MGAT4C: variants seen among roughly 807,000 people sequenced by gnomAD.
MGAT4C encodes alpha-1,3-mannosyl-glycoprotein 4-beta-N-acetylglucosaminyltransferase C.
A neutral mutation model predicts 40.1 loss-of-function variants in MGAT4C; 19 were observed. The observed-to-expected ratio is 0.47, with a 90% CI of 0.33 to 0.70. The LOEUF is 0.70. MGAT4C is among the 30% of genes least tolerant of loss of function. The pLI is 0.02. For missense variants in MGAT4C, 491 were observed against 563.2 expected, an observed-to-expected ratio of 0.87 and a Z score of 1.30; for synonymous variants, 181 against 187.1, an observed-to-expected ratio of 0.97 and a Z score of 0.27.
chr12:86,680,473 A>G (rs1175306956), intron 2 of MGAT4C, among the ~76,000 whole-genome samples: 1 of 152,024 alleles, frequency 6.6e-6, no homozygotes, highest in Non-Finnish European at 1.5e-5. Flanking sequence ...CCCAGATCTG[A>G]TGGACTTCTT....
chr12:86,015,954 AG>A (rs1889048792), intron 2 of MGAT4C: 1 of 152,190 alleles, frequency 6.6e-6, no homozygotes. Flanking sequence ...TCTCATGCAC[AG>A]CACCTAAACT....
intron 1 of MGAT4C, among the ~76,000 whole-genome samples, chr12:86,101,137 CT>C (rs1166772525): frequency 1.3e-5 from 2 of 151,530 alleles, no homozygotes; most frequent in African/African-American, 2.4e-5. Flanking sequence ...TAAATATTTA[CT>C]AAGGATCTAC....
intron 1 of MGAT4C, among the ~76,000 whole-genome samples, chr12:86,838,040 T>C (rs1953075377): frequency 6.6e-6 from 1 of 152,208 alleles, no homozygotes; most frequent in African/African-American, 2.4e-5. Flanking sequence ...TAAATAATAA[T>C]TTTGTAGCAT....
intron 1 of MGAT4C, among the ~76,000 whole-genome samples, chr12:86,218,822 T>C (rs1347583672): frequency 6.6e-6 from 1 of 152,186 alleles, no homozygotes; most frequent in Non-Finnish European, 1.5e-5. Flanking sequence ...AAATGATCTA[T>C]GTTAAACTAT....
intron 2 of MGAT4C, among the ~76,000 whole-genome samples, chr12:86,446,658 CA>C (rs1266500290): frequency 5.7e-5 from 2 of 35,320 alleles, no homozygotes; most frequent in Non-Finnish European, 1.1e-4. Context: ...TCATGTAACT[CA>C]TATATATATA....
At chr12:86,217,600 GT>G (rs1950721703) in intron 1 of MGAT4C, among the ~76,000 whole-genome samples, 1 of 152,130 alleles carries the variant, frequency 6.6e-6, no homozygotes, top group South Asian at 2.1e-4. Flanking sequence ...CTCTGTGACA[GT>G]TTACAACTGC....
chr12:86,309,702 A>T (rs945675964), intron 4 of MGAT4C, among the ~76,000 whole-genome samples: 5 of 152,190 alleles, frequency 3.3e-5, no homozygotes, highest in Admixed American at 3.3e-4. Context: ...CAAAATATAG[A>T]TTTTTCTAAA....
At chr12:85,994,598 A>G (rs2136743836) in intron 2 of MGAT4C, among the ~76,000 whole-genome samples, 1 of 148,154 alleles carries the variant, frequency 6.7e-6, no homozygotes, top group Non-Finnish European at 1.5e-5. Context: ...TTGGTTTAGG[A>G]AAGTTTTTAA....
rs534486634 is a variant in MGAT4C, at chr12:86,034,581, A to T, written c.-7+15093T>A. On this transcript the variant is annotated intron_variant, in intron 2 of 4. Transcript: ENST00000611864. ...AGGGTTTTTTGTTGTTGTTTTTTTT[A>T]AATTTTTTTTTATTATACTTTAAGT... Among the ~76,000 whole-genome samples, 36 of 144,902 alleles carry T rather than the reference A, an allele frequency of 2.5e-4. 4 individuals carry two copies. Among genetic ancestry groups the T allele is most frequent in the African/African-American group, 3.7e-4 (15 of 40,110 alleles).
chr12:86,143,027 C>T lies in MGAT4C; in HGVS notation c.-56-93304G>A, dbSNP rs186327547. Among the ~76,000 whole-genome samples, 212 of 152,200 alleles carry T rather than the reference C, an allele frequency of 1.4e-3. 2 individuals are homozygous for T. Among genetic ancestry groups the T allele is most frequent in the African/African-American group, 4.3e-3 (178 of 41,534 alleles). On this transcript the variant is annotated intron_variant, in intron 1 of 4. Coordinates refer to ENST00000611864, the MANE Select transcript of MGAT4C (RefSeq NM_001351288.2). ...GCTGTGTAAGAACACTGCCAAACAG[C>T]GATTGTCTATGAGCCAGAAACAGAA...
intron 2 of MGAT4C, among the ~76,000 whole-genome samples, chr12:86,023,826 T>C (rs1231348524): frequency 6.6e-6 from 1 of 151,690 alleles, no homozygotes; most frequent in Non-Finnish European, 1.5e-5. Context: ...TTATCCCATT[T>C]AGAAAGTTAG....
intron 2 of MGAT4C, among the ~76,000 whole-genome samples, chr12:86,528,131 T>C (rs1487144032): frequency 6.6e-6 from 1 of 152,130 alleles, no homozygotes; most frequent in African/African-American, 2.4e-5. Flanking sequence ...CTATAAAACA[T>C]TAACTTTCTA....
Position 86,484,606 on chromosome 12 carries a change from G to C in MGAT4C, c.-228-49341C>G, listed in dbSNP as rs189422206. On this transcript the variant is annotated intron_variant, in intron 2 of 7. Transcript: ENST00000548651. Reference sequence around the variant, plus strand: ...CCCTCAGGGCTGCAGCATGCAGCATGGGAGGATCCCCCACACTCAGAACAC... The same window carrying C: ...CCCTCAGGGCTGCAGCATGCAGCATCGGAGGATCCCCCACACTCAGAACAC... Among the ~76,000 whole-genome samples the C allele has an allele frequency of 6.6e-5, 10 of 152,358 alleles. No homozygotes were observed. The East Asian group carries it at 1.7e-3, about 27-fold the overall frequency.
chr12:85,961,335 A>G lies in MGAT4C; in HGVS notation c.*17954T>C, dbSNP rs1565789709. 1.3e-5 allele frequency: 2 copies of G among 151,902 alleles called. No individual in the cohort carries two copies. The highest frequency in any genetic ancestry group is 1.5e-5 in the Non-Finnish European group (1 of 67,826). 9.4% of individuals were successfully genotyped at this position (151,902 alleles called of 1,614,324 possible). On this transcript the variant is annotated 3_prime_UTR_variant, in exon 5 of 5. Coordinates refer to ENST00000611864, the MANE Select transcript of MGAT4C (RefSeq NM_001351288.2). ...ATGAGCTCAGAAAAAAATGCCTAAC[A>G]TGAACATTTAAGCATCTTCTGTTTC...
chr12:86,494,322 T>C (rs1004126417), intron 2 of MGAT4C, among the ~76,000 whole-genome samples: 1 of 151,952 alleles, frequency 6.6e-6, no homozygotes, highest in African/African-American at 2.4e-5. Flanking sequence ...CTAAAATTGT[T>C]CAAATTTTAT....
intron 2 of MGAT4C, among the ~76,000 whole-genome samples, chr12:86,543,143 G>A (rs527679997): frequency 6.6e-5 from 10 of 151,958 alleles, no homozygotes; most frequent in Non-Finnish European, 1.0e-4. Context: ...GATTAAGAGC[G>A]TTGATGAGTA....
chr12:86,493,201 A>G (rs962359532), intron 2 of MGAT4C, among the ~76,000 whole-genome samples: 1 of 150,704 alleles, frequency 6.6e-6, no homozygotes, highest in African/African-American at 2.5e-5. Context: ...TGTTGGTGGG[A>G]CTGTAAACTA....
intron 2 of MGAT4C, among the ~76,000 whole-genome samples, chr12:86,023,832 G>A (rs1890005585): frequency 6.6e-6 from 1 of 151,650 alleles, no homozygotes; most frequent in Admixed American, 6.6e-5. Context: ...CATTTAGAAA[G>A]TTAGAGCTGA....
intron 2 of MGAT4C, among the ~76,000 whole-genome samples, chr12:86,686,728 T>C (rs1950079134): frequency 6.6e-6 from 1 of 152,216 alleles, no homozygotes; most frequent in African/African-American, 2.4e-5. Context: ...GCTGCTGGAT[T>C]CAGTTTGCCA....
Sources: allele counts gnomAD v4.1 joint callset (sites outside exome capture counted in the v4.1 genomes callset), GRCh38; gene constraint gnomAD v4.1.1; transcripts MANE v1.5; gene names NCBI Gene and HGNC (gene_info 2026-07-23, HGNC 2026-07-21).